Variants in CEP128 observed in about 807,000 individuals in gnomAD.
CEP128 encodes centrosomal protein 128.
In CEP128, 132 loss-of-function variants were observed where a neutral mutation model predicts 156.7. That is an observed-to-expected ratio of 0.84 (90% CI 0.73 to 0.97). CEP128 has a LOEUF of 0.97. Ranked by LOEUF, CEP128 falls within the 50% of genes least tolerant of loss-of-function variation. The pLI, the probability that CEP128 is intolerant of heterozygous loss-of-function variation, is 0.00. For synonymous variants in CEP128, 469 were observed against 448.9 expected, an observed-to-expected ratio of 1.04 and a Z score of -0.57; for missense variants, 1,252 against 1,281.9, an observed-to-expected ratio of 0.98 and a Z score of 0.36.
intron 19 of CEP128, among the ~76,000 whole-genome samples, chr14:80,707,963 G>C (rs1156264714): frequency 6.6e-6 from 1 of 152,034 alleles, no homozygotes; most frequent in Non-Finnish European, 1.5e-5. Flanking sequence ...AATAGGTATA[G>C]TACCCTCATT....
At chr14:80,743,365 T>G (rs1366358206) in intron 18 of CEP128, 98 bp from the exon 19 acceptor site, 8 of 1,032,782 alleles carry the variant, frequency 7.7e-6, no homozygotes, top group Non-Finnish European at 1.1e-5. Flanking sequence ...TTTGAACAAA[T>G]ATAGATAATT....
In CEP128 at chr14:80,497,387, T is replaced by C; in HGVS notation, c.*92A>G. ...CCAAAGAGCCAAAGCTGCAGGTATG[T>C]CTGTTAGATAATCTGGGCCAAATTG... On this transcript the variant is annotated 3_prime_UTR_variant, in exon 25 of 25. Coordinates refer to ENST00000555265, the MANE Select transcript of CEP128 (RefSeq NM_152446.5). 1 of 788,366 alleles carries C rather than the reference T, an allele frequency of 1.3e-6. No homozygotes were observed. The allele number at this position is 788,366 out of a possible 1,614,324, so 48.8% of individuals were successfully genotyped here. A position where few individuals can be genotyped will look rare whatever the true frequency, so the allele number is the denominator to read the frequency against.
chr14:80,681,857 A>G (rs1243773031), intron 19 of CEP128, among the ~76,000 whole-genome samples: 1 of 152,200 alleles, frequency 6.6e-6, no homozygotes, highest in Non-Finnish European at 1.5e-5. Flanking sequence ...TAATCCCAGC[A>G]CACTGGGAGG....
intron 19 of CEP128, among the ~76,000 whole-genome samples, chr14:80,704,352 A>G (rs928356378): frequency 1.3e-5 from 2 of 152,088 alleles, no homozygotes; most frequent in Non-Finnish European, 2.9e-5. Flanking sequence ...AAGATGCAAC[A>G]TATTGTATAT....
rs996176892 is a variant in CEP128 at position 80,904,923 on chromosome 14, G to C, written c.370C>G (p.His124Asp). 8.9e-6 allele frequency: 14 copies of C among 1,568,144 alleles called. No homozygotes were observed. In the Admixed American group the frequency reaches 1.0e-4, roughly 11 times the overall value. Reference protein sequence around the residue: ...LDGGTGSELHHFPPTSPLKDY... With the variant: ...LDGGTGSELHDFPPTSPLKDY... The stretch of plus-strand genomic sequence containing the variant: ...TTGAGAGGTGAGGTAGGTGGAAAAT[G>C]ATGGAGCTCTTCACAAGTGAAAGAA... Residue 124 changes from histidine to aspartate, a missense_variant, in exon 6 of 25, where the codon CAT (histidine) becomes GAT (aspartate). Physicochemically the swap from His to Asp is moderately conservative, Grantham distance 81. Transcript: ENST00000555265.
chr14:80,833,173 TTA>T (rs1305977662), intron 12 of CEP128, among the ~76,000 whole-genome samples: 2 of 151,952 alleles, frequency 1.3e-5, no homozygotes, highest in Non-Finnish European at 2.9e-5. Flanking sequence ...GTATTTTATT[TTA>T]TATGTGTATA....
At chr14:80,769,317 T>C (rs1403954615) in intron 16 of CEP128, among the ~76,000 whole-genome samples, 2 of 151,560 alleles carry the variant, frequency 1.3e-5, no homozygotes, top group Non-Finnish European at 2.9e-5. Flanking sequence ...CTAGGGTACA[T>C]GTGCACAACG....
chr14:80,801,222 CTTTA>C (rs1883827799), intron 13 of CEP128, among the ~76,000 whole-genome samples: 1 of 152,106 alleles, frequency 6.6e-6, no homozygotes, highest in Non-Finnish European at 1.5e-5. Context: ...ATTTGAATGC[CTTTA>C]TTTGTTTCTC....
intron 19 of CEP128, among the ~76,000 whole-genome samples, chr14:80,645,367 G>A (rs1595142170): frequency 6.6e-6 from 1 of 152,086 alleles, no homozygotes; most frequent in Admixed American, 6.5e-5. Context: ...TTCTTCAAAA[G>A]GTTAATGTTC....
At chr14:80,534,445 A>G (rs1889382879) in intron 21 of CEP128, among the ~76,000 whole-genome samples, 1 of 152,228 alleles carries the variant, frequency 6.6e-6, no homozygotes, top group Non-Finnish European at 1.5e-5. Context: ...GTGCAGAGTC[A>G]GGGAAATATT....
intron 17 of CEP128, among the ~76,000 whole-genome samples, chr14:80,760,527 C>G (rs563360082): frequency 1.3e-5 from 2 of 152,006 alleles, no homozygotes; most frequent in South Asian, 4.1e-4. Context: ...ATGTCAAAAT[C>G]AATAGTAGAA....
intron 8 of CEP128, among the ~76,000 whole-genome samples, chr14:80,879,696 AG>A (rs1436451781): frequency 6.6e-6 from 1 of 152,234 alleles, no homozygotes; most frequent in Non-Finnish European, 1.5e-5. Context: ...AAAACCATCA[AG>A]CAAACAAATG....
At chr14:80,762,360 T>G (rs1900014899) in intron 16 of CEP128, among the ~76,000 whole-genome samples, 1 of 152,132 alleles carries the variant, frequency 6.6e-6, no homozygotes, top group Admixed American at 6.5e-5. Flanking sequence ...GTCTAAATGG[T>G]GGACCAAATC....
intron 12 of CEP128, among the ~76,000 whole-genome samples, chr14:80,831,642 A>C (rs1051974435): frequency 6.6e-6 from 1 of 151,924 alleles, no homozygotes; most frequent in Non-Finnish European, 1.5e-5. Flanking sequence ...AAGAGTTTTC[A>C]ACTAAGCTAC....
At chr14:80,678,049 A>AAAAATATATATATATATAT in intron 19 of CEP128, among the ~76,000 whole-genome samples, 14 of 98,488 alleles carry the variant, frequency 1.4e-4, no homozygotes, top group African/African-American at 4.4e-4. Flanking sequence ...ATAAAAAAAA[A>AAAAATATATATATATATAT]ATATATATAT....
intron 24 of CEP128, among the ~76,000 whole-genome samples, chr14:80,501,597 C>T (rs1235925052): frequency 3.3e-5 from 5 of 151,790 alleles, no homozygotes; most frequent in South Asian, 2.1e-4. Flanking sequence ...CTCCGCCTCC[C>T]GGGTTCAAGC....
chr14:80,916,395 A>G lies in CEP128; in HGVS notation c.147+6T>C. ...TTCTATTAAATGCAACCATTGTTAAACTAACCTGTAAAGTACTTGTTATAG... is the reference window on the plus strand; with the variant it reads ...TTCTATTAAATGCAACCATTGTTAAGCTAACCTGTAAAGTACTTGTTATAG... On this transcript the variant is annotated splice_donor_region_variant and intron_variant, in intron 3 of 24. Transcript: ENST00000555265. 6.2e-7 allele frequency: 1 copy of G among 1,608,966 alleles called. No homozygotes were observed. The highest frequency in any genetic ancestry group is 8.5e-7 in the Non-Finnish European group (1 of 1,177,216).
intron 2 of CEP128, among the ~76,000 whole-genome samples, chr14:80,917,565 ACT>A (rs1884630668): frequency 6.6e-6 from 1 of 152,006 alleles, no homozygotes; most frequent in African/African-American, 2.4e-5. Flanking sequence ...ACAGAATCTC[ACT>A]CTGTCACCCA....
At chr14:80,579,689 A>C (rs187457501) in intron 20 of CEP128, among the ~76,000 whole-genome samples, 36 of 152,316 alleles carry the variant, frequency 2.4e-4, no homozygotes, top group African/African-American at 7.7e-4. Flanking sequence ...CTTAGTCCCC[A>C]ACCTGACATT....
Sources: gnomAD v4.1 joint callset for allele counts (sites outside exome capture counted in the v4.1 genomes callset) on GRCh38, gnomAD v4.1.1 for gene constraint, MANE v1.5 for transcripts, NCBI Gene and HGNC (gene_info 2026-07-23, HGNC 2026-07-21) for gene names.